LRRC4C: variants seen among roughly 807,000 people sequenced by gnomAD.
LRRC4C encodes leucine-rich repeat-containing protein 4C.
Under a neutral mutation model 33.6 loss-of-function variants are expected in LRRC4C, and 5 were observed. The ratio of observed to expected loss-of-function variants is 0.15; its 90% CI spans 0.08 to 0.31. The LOEUF (loss-of-function observed/expected upper bound fraction) is 0.31, where lower values mean the gene tolerates loss of function less well. LRRC4C is among the 10% of genes least tolerant of loss of function. The pLI is 1.00. For missense variants in LRRC4C, 560 were observed against 796.7 expected (o/e 0.70, Z 3.58); for synonymous variants, 329 against 302.0 (o/e 1.09, Z -0.93).
At chr11:40,732,435 A>C (rs1161400106) in intron 2 of LRRC4C, among the ~76,000 whole-genome samples, 1 of 152,186 alleles carries the variant, frequency 6.6e-6, no homozygotes, top group Non-Finnish European at 1.5e-5. Flanking sequence ...TTGCTTTTCC[A>C]ATTCAGCGTC....
At chr11:40,130,393 T>C (rs1176073769) in intron 6 of LRRC4C, among the ~76,000 whole-genome samples, 2 of 152,206 alleles carry the variant, frequency 1.3e-5, no homozygotes, top group Non-Finnish European at 2.9e-5. Flanking sequence ...GGCCATTTAA[T>C]GATTAATACA....
At chr11:40,282,034 C>T (rs1480374148) in intron 4 of LRRC4C, among the ~76,000 whole-genome samples, 1 of 152,134 alleles carries the variant, frequency 6.6e-6, no homozygotes, top group South Asian at 2.1e-4. Context: ...AGTGTCATCT[C>T]AACAGTTTGT....
At chr11:40,525,023 G>T (rs1311302631) in intron 3 of LRRC4C, among the ~76,000 whole-genome samples, 1 of 151,750 alleles carries the variant, frequency 6.6e-6, no homozygotes, top group East Asian at 2.0e-4. Flanking sequence ...GATTAGCTGT[G>T]TGAGAGGCAA....
chr11:40,918,585 G>A (rs977886342), intron 2 of LRRC4C, among the ~76,000 whole-genome samples: 12 of 151,940 alleles, frequency 7.9e-5, no homozygotes, highest in Non-Finnish European at 1.8e-4. Context: ...TATTTCACAT[G>A]AATCTTGACT....
intron 5 of LRRC4C, among the ~76,000 whole-genome samples, chr11:40,188,529 T>C (rs1432815011): frequency 1.3e-5 from 2 of 152,224 alleles, no homozygotes; most frequent in Non-Finnish European, 2.9e-5. Context: ...ACCTTGCATG[T>C]TTCTACTCAT....
At chr11:40,443,809 A>T (rs768809748) in intron 3 of LRRC4C, among the ~76,000 whole-genome samples, 11 of 152,216 alleles carry the variant, frequency 7.2e-5, no homozygotes, top group Non-Finnish European at 1.5e-4. Context: ...TTTACTAATC[A>T]TCTTTCCAGT....
At chr11:40,860,370 GAAGTCTGAAATTAAGATGT>G (rs1954024955) in intron 2 of LRRC4C, among the ~76,000 whole-genome samples, 1 of 150,686 alleles carries the variant, frequency 6.6e-6, no homozygotes, top group Non-Finnish European at 1.5e-5. Context: ...ATGAAGGTAA[GAAGTCTGAAATTAAGATGT>G]CAGTGGAAAC....
chr11:40,851,764 G>A (rs376612742), intron 2 of LRRC4C, among the ~76,000 whole-genome samples: 45 of 152,166 alleles, frequency 3.0e-4, no homozygotes, highest in African/African-American at 8.9e-4. Flanking sequence ...GTGAGACTCC[G>A]TCTCAAAAAA....
chr11:40,167,081 A>T (rs1028677172), intron 5 of LRRC4C, among the ~76,000 whole-genome samples: 1 of 152,188 alleles, frequency 6.6e-6, no homozygotes, highest in African/African-American at 2.4e-5. Flanking sequence ...CTTCCAATGT[A>T]TATTATGAGT....
At chr11:40,691,126 A>G (rs1054889359) in intron 2 of LRRC4C, among the ~76,000 whole-genome samples, 1 of 152,076 alleles carries the variant, frequency 6.6e-6, no homozygotes, top group African/African-American at 2.4e-5. Context: ...AAACGCTAAC[A>G]AGTAGTCCAT....
Position 40,907,199 on chromosome 11 carries a change from T to C in LRRC4C, c.-407+26436A>G, listed in dbSNP as rs374056826. 9.2e-5 allele frequency among the ~76,000 whole-genome samples: 14 copies of C among 152,358 alleles called. No homozygotes were observed. The South Asian group carries it at 2.3e-3, about 25-fold the overall frequency. On this transcript the variant is annotated intron_variant, in intron 2 of 6. Coordinates refer to ENST00000528697, the MANE Select transcript of LRRC4C (RefSeq NM_001258419.2). ...CTATAGCCATTGACAGAGACTGAGA[T>C]GTAGAATGTCTTTCTTTTTTGTCAG...
At chr11:40,887,179 C>T (rs929847314) in intron 2 of LRRC4C, among the ~76,000 whole-genome samples, 6 of 148,192 alleles carry the variant, frequency 4.0e-5, no homozygotes, top group Admixed American at 2.7e-4. Flanking sequence ...AGAAAACCTC[C>T]TTTACAAAAG....
At chr11:41,064,830 T>C (rs1590404209) in intron 1 of LRRC4C, among the ~76,000 whole-genome samples, 1 of 152,270 alleles carries the variant, frequency 6.6e-6, no homozygotes, top group East Asian at 1.9e-4. Flanking sequence ...TCGGGGGACC[T>C]CCCTTCCCCA....
intron 1 of LRRC4C, among the ~76,000 whole-genome samples, chr11:40,960,377 T>C (rs115809065): frequency 0.014 from 2,115 of 151,878 alleles, 56 homozygotes; most frequent in African/African-American, 0.049. Flanking sequence ...ACTATTTTGT[T>C]TTACTTTTGT....
chr11:40,773,009 C>T (rs1282736089), intron 2 of LRRC4C, among the ~76,000 whole-genome samples: 1 of 152,068 alleles, frequency 6.6e-6, no homozygotes, highest in Non-Finnish European at 1.5e-5. Context: ...CAATGGAGTA[C>T]CATTCAGTCA....
chr11:40,690,869 C>A (rs1945190658), intron 2 of LRRC4C, among the ~76,000 whole-genome samples: 1 of 151,970 alleles, frequency 6.6e-6, no homozygotes, highest in South Asian at 2.1e-4. Flanking sequence ...ATGCTGATAT[C>A]TCAAACCATA....
At chr11:40,656,937 G>T (rs937090080) in intron 2 of LRRC4C, among the ~76,000 whole-genome samples, 1 of 152,082 alleles carries the variant, frequency 6.6e-6, no homozygotes, top group African/African-American at 2.4e-5. Flanking sequence ...ACATTTTAAG[G>T]AATGTTAAAT....
At chr11:41,267,681 T>C (rs979357004) in intron 1 of LRRC4C, among the ~76,000 whole-genome samples, 14 of 152,124 alleles carry the variant, frequency 9.2e-5, no homozygotes, top group Non-Finnish European at 1.5e-4. Flanking sequence ...TGAAACATAA[T>C]ATTCCTTTAA....
At chr11:40,651,972 G>C (rs1271269030) in intron 2 of LRRC4C, among the ~76,000 whole-genome samples, 1 of 152,208 alleles carries the variant, frequency 6.6e-6, no homozygotes, top group South Asian at 2.1e-4. Flanking sequence ...ATCTGTATGA[G>C]AGTTGTGATT....
Sources: gnomAD v4.1 joint callset for allele counts (sites outside exome capture counted in the v4.1 genomes callset) on GRCh38, gnomAD v4.1.1 for gene constraint, MANE v1.5 for transcripts, NCBI Gene and HGNC (gene_info 2026-07-23, HGNC 2026-07-21) for gene names.